The following TOP1 variants were observed in gnomAD, a reference collection of about 807,000 sequenced individuals.
TOP1 encodes the protein DNA topoisomerase 1.
A neutral mutation model predicts 111.1 loss-of-function variants in TOP1; 10 were observed. The ratio of observed to expected loss-of-function variants is 0.09; its 90% confidence interval spans 0.06 to 0.15. The LOEUF (loss-of-function observed/expected upper bound fraction) is 0.15. TOP1 is among the 10% of genes least tolerant of loss of function. The pLI is 1.00. For missense variants in TOP1, 474 were observed against 926.7 expected (o/e 0.51, Z 6.34); for synonymous variants, 271 against 302.9 (o/e 0.89, Z 1.10).
intron 2 of TOP1, among the ~76,000 whole-genome samples, chr20:41,048,495 A>C (rs1281772889): frequency 1.3e-5 from 2 of 152,224 alleles, no homozygotes; most frequent in African/African-American, 4.8e-5. Context: ...AGGGGTCAAT[A>C]AAGGTCATTT....
At chr20:41,096,293 C>T (rs959393482) in intron 9 of TOP1, among the ~76,000 whole-genome samples, 2 of 152,194 alleles carry the variant, frequency 1.3e-5, no homozygotes, top group Non-Finnish European at 2.9e-5. Flanking sequence ...ATCTGGAACT[C>T]CTGACCTCAA....
Position 41,048,412 on chromosome 20 carries a change from A to AT in TOP1, c.59-12978dup, listed in dbSNP as rs1432700474. On this transcript the variant is annotated intron_variant, in intron 2 of 20. Coordinates refer to ENST00000361337, the MANE Select transcript of TOP1 (RefSeq NM_003286.4). ...GAACCACTGCACTCAAGCATTTAAA[A>AT]TTTTCCTTTTACCTAAATCCACATG... Among the ~76,000 whole-genome samples the AT allele has an allele frequency of 2.0e-5, 3 of 152,286 alleles. No homozygotes were observed. The East Asian group carries it at 5.8e-4, about 29-fold the overall frequency.
chr20:41,072,540 A>G, intron 3 of TOP1: 1 of 985,428 alleles, frequency 1.0e-6, no homozygotes, highest in Non-Finnish European at 1.2e-6. Flanking sequence ...ACAGCCCTGG[A>G]CATGCTTCTG....
intron 3 of TOP1, among the ~76,000 whole-genome samples, chr20:41,063,058 A>G (rs1309598847): frequency 2.0e-5 from 3 of 152,244 alleles, no homozygotes; most frequent in Non-Finnish European, 4.4e-5. Flanking sequence ...TACTGAGCAT[A>G]GAACCCAACA....
At chr20:41,062,439 A>G (rs1008038463) in intron 3 of TOP1, among the ~76,000 whole-genome samples, 4 of 152,238 alleles carry the variant, frequency 2.6e-5, no homozygotes, top group Non-Finnish European at 4.4e-5. Context: ...GGAATCATGT[A>G]TCATGCCTGT....
At chr20:41,089,690 GC>G (rs1394374592) in intron 8 of TOP1, among the ~76,000 whole-genome samples, 1 of 152,238 alleles carries the variant, frequency 6.6e-6, no homozygotes, top group East Asian at 1.9e-4. Flanking sequence ...GCATTTCTGT[GC>G]TTAACTTTTT....
chr20:41,087,613 G>C (rs1295252638), intron 8 of TOP1, among the ~76,000 whole-genome samples: 1 of 152,148 alleles, frequency 6.6e-6, no homozygotes, highest in Admixed American at 6.5e-5. Context: ...ATGGAATATG[G>C]ATTATTGACA....
At chr20:41,089,144 C>CCT (rs1166166383) in intron 8 of TOP1, among the ~76,000 whole-genome samples, 1 of 151,246 alleles carries the variant, frequency 6.6e-6, no homozygotes, top group African/African-American at 2.4e-5. Context: ...CCTGCCTCAG[C>CCT]CTCCCAAGTA....
Position 41,121,613 on chromosome 20 carries a change from C to T in TOP1, c.1951-83C>T. On this transcript the variant is annotated intron_variant, in intron 18 of 20. Transcript: ENST00000361337. The surrounding 1 kb of genome is among the most constrained non-coding windows in gnomAD (Gnocchi z 4.2). ...AACCACTGACAGAGACAGCCTGGTCCAGATAACATCTTGGTTTCACCTTCT... is the reference window on the plus strand; with the variant it reads ...AACCACTGACAGAGACAGCCTGGTCTAGATAACATCTTGGTTTCACCTTCT... 9.5e-7 allele frequency: 1 copy of T among 1,053,610 alleles called. No individual in the cohort carries two copies. Among genetic ancestry groups the T allele is most frequent in the South Asian group, 1.3e-5 (1 of 78,812 alleles). The allele number at this position is 1,053,610 out of a possible 1,614,324, so 65.3% of individuals were successfully genotyped here.
chr20:41,111,312 A>T (rs536370165), intron 13 of TOP1, among the ~76,000 whole-genome samples: 7 of 151,962 alleles, frequency 4.6e-5, no homozygotes, highest in Non-Finnish European at 8.8e-5. Context: ...TTTCTTATTC[A>T]CCCTGTTAAA....
At chr20:41,111,590 A>ACC (rs1214145826) in intron 13 of TOP1, among the ~76,000 whole-genome samples, 3 of 47,196 alleles carry the variant, frequency 6.4e-5, no homozygotes, top group Non-Finnish European at 8.5e-5. Context: ...CCCCCACCCC[A>ACC]CCCCCCGCCC....
intron 8 of TOP1, among the ~76,000 whole-genome samples, chr20:41,090,225 C>T (rs563902460): frequency 2.8e-4 from 43 of 152,122 alleles, no homozygotes; most frequent in Admixed American, 1.4e-3. Flanking sequence ...TCCCTCCGCC[C>T]GCTTTGGCCT....
chr20:41,072,678 C>CTCCAG, intron 3 of TOP1: 1 of 985,408 alleles, frequency 1.0e-6, no homozygotes, highest in Non-Finnish European at 1.2e-6. Context: ...CCAGGTTGGG[C>CTCCAG]TCCAGGCACT....
In TOP1 at chr20:41,116,171, A is replaced by G. The variant is rs889525075; in HGVS notation, c.1708-107A>G. On this transcript the variant is annotated intron_variant, in intron 16 of 20. Transcript: ENST00000361337. This position sits in a 1 kb window ranked among gnomAD's most constrained non-coding sequence, Gnocchi z 5.6. Reference sequence around the variant, plus strand: ...TCCCTAACTTCCCACTTGTAGGGCAATAAACTTGACAAGATTGTGACTGCA... The same window carrying G: ...TCCCTAACTTCCCACTTGTAGGGCAGTAAACTTGACAAGATTGTGACTGCA... 1.4e-5 allele frequency: 10 copies of G among 693,274 alleles called. No individual in the cohort carries two copies. Among genetic ancestry groups the G allele is most frequent in the African/African-American group, 8.9e-5 (5 of 56,044 alleles). The allele number at this position is 693,274 out of a possible 1,614,324, so 42.9% of individuals were successfully genotyped here. A position where few individuals can be genotyped will look rare whatever the true frequency, so the allele number is the denominator to read the frequency against.
At chr20:41,040,017 A>G (rs143282886) in intron 2 of TOP1, among the ~76,000 whole-genome samples, 1 of 152,386 alleles carries the variant, frequency 6.6e-6, no homozygotes, top group Admixed American at 6.5e-5. Flanking sequence ...TAATTCAAGT[A>G]TTTGAAATAA....
In TOP1 at chr20:41,122,375, C is replaced by T. The variant is rs144528315; in HGVS notation, c.2195+220C>T. On this transcript the variant is annotated intron_variant, in intron 20 of 20. Transcript: ENST00000361337. The surrounding 1 kb of genome is among the most constrained non-coding windows in gnomAD (Gnocchi z 5.4). Reference sequence around the variant, plus strand: ...TGCTCCTAAATGGTCAGTGCTGTTACACTGCCTTGTAGTGTATATTTTTAA... The same window carrying T: ...TGCTCCTAAATGGTCAGTGCTGTTATACTGCCTTGTAGTGTATATTTTTAA... 2.2e-3 allele frequency among the ~76,000 whole-genome samples: 329 copies of T among 152,314 alleles called. 1 individual carries two copies. The highest frequency in any genetic ancestry group is 6.5e-3 in the African/African-American group (271 of 41,572).
At chr20:41,048,046 C>T (rs752748514) in intron 2 of TOP1, among the ~76,000 whole-genome samples, 2 of 151,250 alleles carry the variant, frequency 1.3e-5, no homozygotes, top group African/African-American at 4.9e-5. Flanking sequence ...TGAGAACAAC[C>T]TCTTTCTTCC....
Position 41,116,239 on chromosome 20 carries a change from T to A in TOP1, c.1708-39T>A. ...TAGGGCTGCCAGAAGGAGCAGGTAG[T>A]ATAGCTTTGACCTAAATCTGTTGCT... On this transcript the variant is annotated intron_variant, in intron 16 of 20. Coordinates refer to ENST00000361337, the MANE Select transcript of TOP1 (RefSeq NM_003286.4). The surrounding 1 kb of genome is among the most constrained non-coding windows in gnomAD (Gnocchi z 5.6). The A allele has an allele frequency of 7.2e-7, 1 of 1,394,908 alleles. No homozygotes were observed. Among genetic ancestry groups the A allele is most frequent in the Admixed American group, 1.7e-5 (1 of 59,510 alleles). The allele number at this position is 1,394,908 out of a possible 1,614,324, so 86.4% of individuals were successfully genotyped here.
rs537602385 is a variant in TOP1 at position 41,121,224 on chromosome 20, G to A, written c.1951-472G>A. On this transcript the variant is annotated intron_variant, in intron 18 of 20. Coordinates refer to ENST00000361337, the MANE Select transcript of TOP1 (RefSeq NM_003286.4). The surrounding 1 kb of genome is among the most constrained non-coding windows in gnomAD (Gnocchi z 4.2). ...CTGGCACCGCCTTCCCAGAGTACTG[G>A]TGGGATCTGAGGAACGAGCTGGGGT... Among the ~76,000 whole-genome samples, 11 of 152,288 alleles carry A rather than the reference G, an allele frequency of 7.2e-5. No individual in the cohort carries two copies. Among genetic ancestry groups the A allele is most frequent in the African/African-American group, 2.4e-4 (10 of 41,564 alleles).
Sources: gnomAD v4.1 joint callset for allele counts (sites outside exome capture counted in the v4.1 genomes callset) on GRCh38, gnomAD v4.1.1 for gene constraint, Gnocchi (gnomAD v3.1) non-coding constraint, MANE v1.5 for transcripts, NCBI Gene and HGNC (gene_info 2026-07-23, HGNC 2026-07-21) for gene names.